The following ZMYND8 variants were observed in gnomAD, a reference collection of about 807,000 sequenced individuals.
ZMYND8 encodes the protein zinc finger MYND-type containing 8.
In ZMYND8, 37 loss-of-function variants were observed where a neutral mutation model predicts 140.8. That is an observed-to-expected ratio of 0.26 (90% confidence interval 0.20 to 0.35). The LOEUF is 0.35. ZMYND8 is among the 10% of genes least tolerant of loss of function. The pLI is 1.00. For synonymous variants in ZMYND8, 592 were observed against 597.1 expected (o/e 0.99, Z 0.12); for missense variants, 1,068 against 1,570.0 (o/e 0.68, Z 5.40).
At chr20:47,257,489 A>T (rs1210040025) in intron 12 of ZMYND8, among the ~76,000 whole-genome samples, 1 of 151,906 alleles carries the variant, frequency 6.6e-6, no homozygotes, top group African/African-American at 2.4e-5. Flanking sequence ...CAACACACAC[A>T]TACATACTTA....
At chr20:47,350,935 G>A (rs1372035037) in intron 1 of ZMYND8, among the ~76,000 whole-genome samples, 4 of 152,150 alleles carry the variant, frequency 2.6e-5, no homozygotes, top group Non-Finnish European at 5.9e-5. Flanking sequence ...CCATCAACTA[G>A]TTAGATACAT....
intron 2 of ZMYND8, among the ~76,000 whole-genome samples, chr20:47,333,730 A>AAAAAAAAAC (rs2081153563): frequency 2.3e-4 from 23 of 101,694 alleles, no homozygotes; most frequent in African/African-American, 1.1e-3. Flanking sequence ...GTCTCAAAAA[A>AAAAAAAAAC]AAAAAAAAAA....
intron 13 of ZMYND8, among the ~76,000 whole-genome samples, chr20:47,248,145 CT>C (rs2073882845): frequency 1.3e-5 from 2 of 152,340 alleles, no homozygotes; most frequent in South Asian, 2.1e-4. Flanking sequence ...TTATTTATCT[CT>C]CTGAGCCTCA....
chr20:47,235,503 G>C (rs1012526139), intron 16 of ZMYND8, among the ~76,000 whole-genome samples: 1 of 152,118 alleles, frequency 6.6e-6, no homozygotes, highest in African/African-American at 2.4e-5. Context: ...TCAGGAGTTT[G>C]AGACCAGCCT....
chr20:47,275,290 G>A (rs1423241430), intron 11 of ZMYND8, among the ~76,000 whole-genome samples: 2 of 152,162 alleles, frequency 1.3e-5, no homozygotes, highest in East Asian at 1.9e-4. Context: ...TCAGGAGTTC[G>A]AGACCAGCCA....
intron 7 of ZMYND8, 94 bp downstream of exon 7, chr20:47,290,093 A>G: frequency 1.3e-5 from 16 of 1,213,552 alleles, no homozygotes; most frequent in Non-Finnish European, 1.9e-5. Context: ...AGTATTCTCA[A>G]TATGAATTAA....
At chr20:47,335,341 T>C (rs548607536) in intron 2 of ZMYND8, among the ~76,000 whole-genome samples, 31 of 152,202 alleles carry the variant, frequency 2.0e-4, no homozygotes, top group Non-Finnish European at 8.8e-5. Flanking sequence ...GCTGGATCTC[T>C]AGGTTCCCAG....
intron 3 of ZMYND8, among the ~76,000 whole-genome samples, chr20:47,306,467 A>C (rs1485888869): frequency 6.6e-6 from 1 of 152,138 alleles, no homozygotes; most frequent in African/African-American, 2.4e-5. Flanking sequence ...TGAATTCCTA[A>C]TATATGATAA....
intron 10 of ZMYND8, among the ~76,000 whole-genome samples, chr20:47,279,731 C>T (rs1219477807): frequency 6.7e-6 from 1 of 148,620 alleles, no homozygotes; most frequent in African/African-American, 2.5e-5. Context: ...CTGCCCAGTA[C>T]ATAAAAGGCA....
At chr20:47,353,109 A>T (rs2082930046) in intron 1 of ZMYND8, 2 of 152,066 alleles carry the variant, frequency 1.3e-5, no homozygotes, top group Non-Finnish European at 2.9e-5. Flanking sequence ...AAACAAAGAC[A>T]TCACGCGTTG....
At chr20:47,274,594 G>A (rs1428320337) in intron 11 of ZMYND8, among the ~76,000 whole-genome samples, 4 of 152,178 alleles carry the variant, frequency 2.6e-5, no homozygotes, top group Non-Finnish European at 5.9e-5. Context: ...CAGAAACAAG[G>A]GGGTAAAAAG....
intron 11 of ZMYND8, among the ~76,000 whole-genome samples, chr20:47,269,763 C>T (rs2075795247): frequency 1.3e-5 from 2 of 152,210 alleles, no homozygotes; most frequent in South Asian, 4.1e-4. Context: ...ATGATTCACG[C>T]TAAATGTCCT....
rs1051841935 is a variant in ZMYND8, at chr20:47,227,958, C to T, written c.2938-677G>A. On this transcript the variant is annotated intron_variant, in intron 17 of 22. Transcript: ENST00000471951. ...AAATACAAAAATTAACCGGGCATGG[C>T]GGCGCACGCCTGTAATCCCAGCTAC... is the stretch of plus-strand genomic sequence containing the variant. Among the ~76,000 whole-genome samples the T allele has an allele frequency of 3.9e-5, 6 of 151,992 alleles. No individual in the cohort carries two copies. The South Asian group carries it at 6.2e-4, about 16-fold the overall frequency.
intron 16 of ZMYND8, among the ~76,000 whole-genome samples, chr20:47,231,881 C>T (rs2038534650): frequency 6.6e-6 from 1 of 152,236 alleles, no homozygotes; most frequent in African/African-American, 2.4e-5. Context: ...AGATATCATG[C>T]ATTCATGGAC....
chr20:47,332,337 G>T (rs1274947997), intron 2 of ZMYND8, among the ~76,000 whole-genome samples: 1 of 151,920 alleles, frequency 6.6e-6, no homozygotes, highest in African/African-American at 2.4e-5. Context: ...TGGCTTTGAA[G>T]AAGAGGACAG....
intron 14 of ZMYND8, among the ~76,000 whole-genome samples, chr20:47,245,041 G>C (rs934015735): frequency 6.6e-6 from 1 of 152,014 alleles, no homozygotes; most frequent in African/African-American, 2.4e-5. Flanking sequence ...TGGGCGACAA[G>C]AGCCAAATTC....
rs2040565806 is a variant in ZMYND8, at chr20:47,246,414, A to G, written c.1878T>C (p.Asp626=). The G allele has an allele frequency of 1.2e-6, 2 of 1,613,906 alleles. No individual in the cohort carries two copies. Residue 626 remains aspartate, a synonymous_variant, in exon 14 of 23, where the codon GAT becomes GAC. Coordinates refer to ENST00000471951, the MANE Select transcript of ZMYND8 (RefSeq NM_001281775.3). Reference sequence around the variant, plus strand: ...CTGGCTCGTTCTTAGACTTCTGCTCATCATCACTGATATACTCACTATCGC... The same window carrying G: ...CTGGCTCGTTCTTAGACTTCTGCTCGTCATCACTGATATACTCACTATCGC... ...DSSDSEYISD[D]EQKSKNEPED...
rs542776536 is a variant in ZMYND8 at position 47,340,472 on chromosome 20, G to A, written c.85+7384C>T. On this transcript the variant is annotated intron_variant, in intron 2 of 22. Coordinates refer to ENST00000471951, the MANE Select transcript of ZMYND8 (RefSeq NM_001281775.3). ...ACCACTGCACTACACTGCAGCCTGC[G>A]CAACACAGTGAGATTCCATGTCTTA... Among the ~76,000 whole-genome samples the A allele has an allele frequency of 4.3e-4, 65 of 151,234 alleles. 1 individual carries two copies. The highest frequency in any genetic ancestry group is 2.1e-3 in the South Asian group (10 of 4,750).
intron 16 of ZMYND8, among the ~76,000 whole-genome samples, chr20:47,234,987 G>A (rs368881888): frequency 3.9e-5 from 6 of 152,126 alleles, no homozygotes; most frequent in East Asian, 1.9e-4. Context: ...TTTTTAAAAA[G>A]AAAGAATTCT....
Sources: gnomAD v4.1 joint callset for allele counts (sites outside exome capture counted in the v4.1 genomes callset) on GRCh38, gnomAD v4.1.1 for gene constraint, MANE v1.5 for transcripts, NCBI Gene and HGNC (gene_info 2026-07-23, HGNC 2026-07-21) for gene names.